KCNAB1: variants seen among roughly 807,000 people sequenced by gnomAD.
KCNAB1 encodes the protein voltage-gated potassium channel subunit beta-1.
In KCNAB1, 35 loss-of-function variants were observed where a neutral mutation model predicts 64.6. The observed-to-expected ratio is 0.54, with a 90% CI of 0.41 to 0.72. The LOEUF (loss-of-function observed/expected upper bound fraction) is 0.72, where lower values mean the gene tolerates loss of function less well. KCNAB1 is among the 30% of genes least tolerant of loss of function. The probability of loss-of-function intolerance (pLI) is 0.00; values close to 1 mark genes in which losing one functional copy is unlikely to be tolerated. For synonymous variants in KCNAB1, 177 were observed against 183.8 expected, an observed-to-expected ratio of 0.96 and a Z score of 0.30; for missense variants, 401 against 512.9, an observed-to-expected ratio of 0.78 and a Z score of 2.11.
intron 1 of KCNAB1, among the ~76,000 whole-genome samples, chr3:156,166,794 T>C (rs1040936796): frequency 1.3e-5 from 2 of 152,190 alleles, no homozygotes; most frequent in African/African-American, 4.8e-5. Flanking sequence ...AATTTTATGA[T>C]AAGGGATTGT....
intron 5 of KCNAB1, 21 bp downstream of exon 5, chr3:156,459,892 AT>A (rs761581754): frequency 3.2e-6 from 5 of 1,582,676 alleles, no homozygotes; most frequent in Admixed American, 1.7e-5. Context: ...CGCCATAATT[AT>A]TTGTTTTTAA....
In KCNAB1 at chr3:156,334,069, A is replaced by T. The variant is rs970308320; in HGVS notation, c.276-87547A>T. On this transcript the variant is annotated intron_variant, in intron 1 of 13. Coordinates refer to ENST00000490337, the MANE Select transcript of KCNAB1 (RefSeq NM_172160.3). ...GTTCGTGTCATGCTTTAAAAACCCT[A>T]AAAGCCCTTCTAGATTAATTTTTAA... Among the ~76,000 whole-genome samples, 9 of 152,292 alleles carry T rather than the reference A, an allele frequency of 5.9e-5. No homozygotes were observed. In the East Asian group the frequency reaches 7.7e-4, roughly 13 times the overall value.
At chr3:156,501,575 GC>G (rs1716412490) in intron 8 of KCNAB1, among the ~76,000 whole-genome samples, 1 of 151,848 alleles carries the variant, frequency 6.6e-6, no homozygotes, top group South Asian at 2.1e-4. Context: ...GGGATTACAG[GC>G]ATGTGCCACC....
intron 12 of KCNAB1, among the ~76,000 whole-genome samples, chr3:156,528,532 CA>C (rs1432412969): frequency 6.6e-6 from 1 of 152,066 alleles, no homozygotes; most frequent in Non-Finnish European, 1.5e-5. Context: ...AAGAAGGGAA[CA>C]GGGGATAAGG....
rs751086666 is a variant in KCNAB1, at chr3:156,536,781, A to G, written c.*34A>G. The G allele has an allele frequency of 7.0e-7, 1 of 1,436,890 alleles. No individual in the cohort carries two copies. Among genetic ancestry groups the G allele is most frequent in the Non-Finnish European group, 9.8e-7 (1 of 1,018,724 alleles). 89.0% of individuals were successfully genotyped at this position (1,436,890 alleles called of 1,614,324 possible). On this transcript the variant is annotated 3_prime_UTR_variant, in exon 14 of 14. Transcript: ENST00000490337. ...ATGAACCACAGAAGCTGCATGGTTA[A>G]AATAGCGGCCTGTGCCCAGTACAGA... is the stretch of plus-strand genomic sequence containing the variant.
chr3:156,395,543 T>TAAAAAGAAAAA (rs1318444935), intron 1 of KCNAB1, among the ~76,000 whole-genome samples: 2 of 8,448 alleles, frequency 2.4e-4, no homozygotes, highest in East Asian at 3.9e-3. Flanking sequence ...AGACTCCGTC[T>TAAAAAGAAAAA]CAAAAAAAAA....
At position 156,265,612 on chromosome 3, in the gene KCNAB1, G is replaced by A. The variant is rs111786691; in HGVS notation, c.275+144726G>A. Among the ~76,000 whole-genome samples, 121 of 152,324 alleles carry A rather than the reference G, an allele frequency of 7.9e-4. 1 individual carries two copies. Among genetic ancestry groups the A allele is most frequent in the African/African-American group, 2.7e-3 (113 of 41,578 alleles). ...CTCACCTGCCCTTATTTGATTTATGGGAATTCTTCTATTTACCCATGCTTT... is the reference window on the plus strand; with the variant it reads ...CTCACCTGCCCTTATTTGATTTATGAGAATTCTTCTATTTACCCATGCTTT... On this transcript the variant is annotated intron_variant, in intron 1 of 13. Coordinates refer to ENST00000490337, the MANE Select transcript of KCNAB1 (RefSeq NM_172160.3).
At chr3:156,442,383 C>A (rs1717066243) in intron 2 of KCNAB1, among the ~76,000 whole-genome samples, 1 of 152,138 alleles carries the variant, frequency 6.6e-6, no homozygotes, top group Non-Finnish European at 1.5e-5. Context: ...CAATGTCATT[C>A]CCTTGTCTTT....
intron 1 of KCNAB1, among the ~76,000 whole-genome samples, chr3:156,213,003 AC>A (rs1715107092): frequency 6.6e-6 from 1 of 152,134 alleles, no homozygotes; most frequent in Non-Finnish European, 1.5e-5. Flanking sequence ...CACTCTGACC[AC>A]TATTTGGAGA....
chr3:156,131,680 G>A (rs910911638), intron 1 of KCNAB1, among the ~76,000 whole-genome samples: 3 of 152,236 alleles, frequency 2.0e-5, no homozygotes, highest in Non-Finnish European at 4.4e-5. Context: ...GGAAGCAGAT[G>A]TGGGAGGATT....
At chr3:156,190,624 C>T (rs940764491) in intron 1 of KCNAB1, among the ~76,000 whole-genome samples, 1 of 152,148 alleles carries the variant, frequency 6.6e-6, no homozygotes. Context: ...AATACCGGCC[C>T]TGCTGGCTTC....
intron 1 of KCNAB1, among the ~76,000 whole-genome samples, chr3:156,238,570 A>G (rs970559105): frequency 6.6e-6 from 1 of 152,218 alleles, no homozygotes; most frequent in Non-Finnish European, 1.5e-5. Flanking sequence ...ATAGAATTCA[A>G]ATGATTCTAC....
At chr3:156,194,941 C>T (rs139592866) in intron 1 of KCNAB1, among the ~76,000 whole-genome samples, 2,502 of 152,130 alleles carry the variant, frequency 0.016, 35 homozygotes, top group Non-Finnish European at 0.025. Context: ...CTCCTTTCCC[C>T]CCACCCCCAA....
chr3:156,278,093 C>T (rs1283975619), intron 1 of KCNAB1, among the ~76,000 whole-genome samples: 1 of 152,156 alleles, frequency 6.6e-6, no homozygotes, highest in African/African-American at 2.4e-5. Context: ...CTTTTTACAA[C>T]ATTCTTCCTT....
At chr3:156,148,493 C>T (rs1249422133) in intron 1 of KCNAB1, among the ~76,000 whole-genome samples, 1 of 152,216 alleles carries the variant, frequency 6.6e-6, no homozygotes, top group Non-Finnish European at 1.5e-5. Context: ...TGCTCTAGCC[C>T]CATCTTTTCT....
downstream of KCNAB1, chr3:156,539,008 C>CTAATG (rs1719277095): frequency 1.6e-5 from 2 of 126,228 alleles, no homozygotes; most frequent in Admixed American, 8.5e-5. Flanking sequence ...GGTAAATATA[C>CTAATG]TAATGTATTT....
rs1719149056 is a variant in KCNAB1 at position 156,537,653 on chromosome 3, T to C, written c.*906T>C. 1 of 152,696 alleles carries C rather than the reference T, an allele frequency of 6.5e-6. No homozygotes were observed. The highest frequency in any genetic ancestry group is 2.4e-5 in the African/African-American group (1 of 41,474). 9.5% of individuals were successfully genotyped at this position (152,696 alleles called of 1,614,324 possible). ...CTACATTTTATTAAAACCTGCTTTATACTTTCAACTGCTTGTAGGCACAAC... is the reference window on the plus strand; with the variant it reads ...CTACATTTTATTAAAACCTGCTTTACACTTTCAACTGCTTGTAGGCACAAC... On this transcript the variant is annotated 3_prime_UTR_variant, in exon 14 of 14. Transcript: ENST00000490337.
At chr3:156,505,020 T>C (rs1487372324) in intron 8 of KCNAB1, among the ~76,000 whole-genome samples, 4 of 152,128 alleles carry the variant, frequency 2.6e-5, no homozygotes, top group Non-Finnish European at 2.9e-5. Flanking sequence ...TTTCTTCTAG[T>C]AGTGTCATAG....
At chr3:156,131,006 T>C (rs991346681) in intron 1 of KCNAB1, among the ~76,000 whole-genome samples, 2 of 152,238 alleles carry the variant, frequency 1.3e-5, no homozygotes, top group Non-Finnish European at 2.9e-5. Flanking sequence ...CCTTATTAGA[T>C]AAATTTAATT....
Sources: allele counts gnomAD v4.1 joint callset (sites outside exome capture counted in the v4.1 genomes callset), GRCh38; gene constraint gnomAD v4.1.1; transcripts MANE v1.5; gene names NCBI Gene and HGNC (gene_info 2026-07-23, HGNC 2026-07-21).